The following PANX1 variants were observed in gnomAD, a reference collection of about 807,000 sequenced individuals.
The protein encoded by PANX1 is pannexin 1, also known as pannexin-1.
A neutral mutation model predicts 38.7 loss-of-function variants in PANX1; 30 were observed. That is an observed-to-expected ratio of 0.78 (90% CI 0.58 to 1.05). The LOEUF (loss-of-function observed/expected upper bound fraction) is 1.05, where lower values mean the gene tolerates loss of function less well. Ranked by LOEUF, PANX1 falls within the 50% of genes least tolerant of loss-of-function variation. The probability of loss-of-function intolerance (pLI) is 0.00; values close to 1 mark genes in which losing one functional copy is unlikely to be tolerated. For synonymous variants in PANX1, 230 were observed against 212.2 expected (o/e 1.08, Z -0.73); for missense variants, 551 against 517.2 (o/e 1.07, Z -0.63).
intron 1 of PANX1, among the ~76,000 whole-genome samples, chr11:94,134,136 G>C (rs554986927): frequency 6.6e-6 from 1 of 152,302 alleles, no homozygotes; most frequent in South Asian, 2.1e-4. Flanking sequence ...TGTTATTTTT[G>C]TGATGAGGAA....
intron 1 of PANX1, among the ~76,000 whole-genome samples, chr11:94,136,326 T>C (rs897433599): frequency 4.6e-5 from 7 of 152,166 alleles, no homozygotes; most frequent in Non-Finnish European, 8.8e-5. Flanking sequence ...CTTCAGGGGG[T>C]AGAATTGCAA....
At chr11:94,138,632 T>C (rs1436883548) in intron 1 of PANX1, among the ~76,000 whole-genome samples, 1 of 152,202 alleles carries the variant, frequency 6.6e-6, no homozygotes. Flanking sequence ...TCCTCAAGTA[T>C]TTATCCTTCG....
chr11:94,143,656 C>A (rs569126311), intron 1 of PANX1, among the ~76,000 whole-genome samples: 2 of 152,036 alleles, frequency 1.3e-5, no homozygotes, highest in African/African-American at 4.8e-5. Flanking sequence ...TTTTTTAAAG[C>A]AACATTCAGG....
intron 2 of PANX1, among the ~76,000 whole-genome samples, chr11:94,154,845 T>G (rs1946929395): frequency 6.6e-6 from 1 of 152,234 alleles, no homozygotes; most frequent in African/African-American, 2.4e-5. Flanking sequence ...TATACTGTAT[T>G]CTTACAATAA....
intron 2 of PANX1, 47 bp from the exon 3 acceptor site, chr11:94,178,321 CT>C (rs1947258643): frequency 1.4e-6 from 2 of 1,403,364 alleles, no homozygotes; most frequent in Non-Finnish European, 1.0e-6. Context: ...CCATAGGTTA[CT>C]GCATGGGGGG....
chr11:94,156,647 A>T (rs920727494), intron 2 of PANX1, among the ~76,000 whole-genome samples: 4 of 152,140 alleles, frequency 2.6e-5, no homozygotes, highest in African/African-American at 4.8e-5. Flanking sequence ...AAGTAAAAAT[A>T]AATCCTTTCT....
In PANX1 at chr11:94,153,566, C is replaced by A. The variant is rs74961890; in HGVS notation, c.257C>A (p.Ala86Glu). The A allele has an allele frequency of 1.9e-6, 3 of 1,613,866 alleles. No individual in the cohort carries two copies. Among genetic ancestry groups the A allele is most frequent in the Non-Finnish European group, 2.5e-6 (3 of 1,179,934 alleles). The change falls in exon 2 of 5, where the codon GCG (alanine) becomes GAG (glutamate). Residue 86 changes from alanine to glutamate, a missense_variant. Coordinates refer to ENST00000227638, the MANE Select transcript of PANX1 (RefSeq NM_015368.4). The stretch of plus-strand genomic sequence containing the variant: ...GCCTTTGTGGATTCATATTGCTGGG[C>A]GGCTGTTCAGCAGAAGAACTCACTG... The part of the protein sequence containing the change: ...QAAFVDSYCW[A>E]AVQQKNSLQS...
intron 1 of PANX1, among the ~76,000 whole-genome samples, chr11:94,143,566 A>G (rs909388592): frequency 1.3e-5 from 2 of 152,198 alleles, no homozygotes; most frequent in Non-Finnish European, 2.9e-5. Context: ...GGTTTTACTA[A>G]TAAGAAAACC....
chr11:94,164,920 A>G (rs1043298238), intron 2 of PANX1, among the ~76,000 whole-genome samples: 8 of 152,240 alleles, frequency 5.3e-5, no homozygotes, highest in African/African-American at 1.9e-4. Flanking sequence ...CGTTATCATT[A>G]TATAATGACT....
intron 2 of PANX1, among the ~76,000 whole-genome samples, chr11:94,177,177 G>T (rs1947244324): frequency 6.6e-6 from 1 of 151,380 alleles, no homozygotes; most frequent in Admixed American, 6.6e-5. Flanking sequence ...TACCTGAGCA[G>T]GGTGAACTTG....
chr11:94,163,206 A>G (rs1947068631), intron 2 of PANX1, among the ~76,000 whole-genome samples: 1 of 152,178 alleles, frequency 6.6e-6, no homozygotes. Flanking sequence ...ATATTTGTAC[A>G]TATTTGTGGA....
At chr11:94,133,242 T>G (rs967250327) in intron 1 of PANX1, among the ~76,000 whole-genome samples, 2 of 152,216 alleles carry the variant, frequency 1.3e-5, no homozygotes, top group African/African-American at 4.8e-5. Context: ...GGTGTGGGGC[T>G]ACCTGGGCTG....
At chr11:94,140,464 A>G (rs1170101663) in intron 1 of PANX1, among the ~76,000 whole-genome samples, 2 of 152,164 alleles carry the variant, frequency 1.3e-5, no homozygotes, top group African/African-American at 4.8e-5. Flanking sequence ...TTGCTCATTT[A>G]TCTTTAATAT....
rs753458218 is a variant in PANX1 at position 94,178,603 on chromosome 11, C to T, written c.545+11C>T. 2.8e-5 allele frequency: 45 copies of T among 1,598,854 alleles called. 1 individual carries two copies. In the East Asian group the frequency reaches 9.4e-4, roughly 33 times the overall value. On this transcript the variant is annotated intron_variant, in intron 3 of 4. Coordinates refer to ENST00000227638, the MANE Select transcript of PANX1 (RefSeq NM_015368.4). ...GAACTTAGGGCAAAGGTAACTTAGC[C>T]CCAGCAGGCAGCTCATCGGGTTTTG...
rs141735897 is a variant in PANX1, at chr11:94,147,746, C to T, written c.182-5745C>T. ...GGTTGAGTGGTCACATCATGGACCA[C>T]GCGTTTGGCAGGTACAGACTATTAA... On this transcript the variant is annotated intron_variant, in intron 1 of 4. Coordinates refer to ENST00000227638, the MANE Select transcript of PANX1 (RefSeq NM_015368.4). Among the ~76,000 whole-genome samples the T allele has an allele frequency of 3.0e-3, 458 of 152,232 alleles. 2 individuals carry two copies. Among genetic ancestry groups the T allele is most frequent in the African/African-American group, 9.8e-3 (405 of 41,530 alleles).
At chr11:94,162,465 G>A (rs113111283) in intron 2 of PANX1, among the ~76,000 whole-genome samples, 8,463 of 152,234 alleles carry the variant, frequency 0.056, 810 homozygotes, top group African/African-American at 0.19. Context: ...GTTTGATCTC[G>A]ACTGCTGTGC....
At chr11:94,147,442 G>T (rs193079690) in intron 1 of PANX1, among the ~76,000 whole-genome samples, 2 of 152,148 alleles carry the variant, frequency 1.3e-5, no homozygotes. Flanking sequence ...TTTTTCTGTG[G>T]TTTAGACCTT....
intron 1 of PANX1, among the ~76,000 whole-genome samples, chr11:94,132,786 T>C (rs1946645777): frequency 6.6e-6 from 1 of 152,218 alleles, no homozygotes; most frequent in African/African-American, 2.4e-5. Flanking sequence ...CTGTCAACTG[T>C]TGTTTGATAA....
At chr11:94,138,920 C>A (rs1002991544) in intron 1 of PANX1, among the ~76,000 whole-genome samples, 1 of 152,164 alleles carries the variant, frequency 6.6e-6, no homozygotes, top group African/African-American at 2.4e-5. Flanking sequence ...ATCCTTAGGT[C>A]TATCAGTTTT....
Sources: allele counts gnomAD v4.1 joint callset (sites outside exome capture counted in the v4.1 genomes callset), GRCh38; gene constraint gnomAD v4.1.1; transcripts MANE v1.5; gene names NCBI Gene and HGNC (gene_info 2026-07-23, HGNC 2026-07-21).